Variants in PHF3 observed in about 807,000 individuals in gnomAD.
The protein encoded by PHF3 is PHD finger protein 3.
In PHF3, 41 loss-of-function variants were observed where a neutral mutation model predicts 178.4. That is an observed-to-expected ratio of 0.23 (90% CI 0.18 to 0.30). The LOEUF (loss-of-function observed/expected upper bound fraction) is 0.30. Ranked by LOEUF, PHF3 falls within the 10% of genes least tolerant of loss-of-function variation. PHF3 has a pLI of 1.00. For missense variants in PHF3, 2,346 were observed against 2,398.1 expected (o/e 0.98, Z 0.45); for synonymous variants, 842 against 800.5 (o/e 1.05, Z -0.88).
chr6:63,720,849 T>C lies in PHF3; in HGVS notation c.*7141T>C, dbSNP rs1346988916. 7 of 1,551,150 alleles carry C rather than the reference T, an allele frequency of 4.5e-6. No individual in the cohort carries two copies. Among genetic ancestry groups the C allele is most frequent in the Non-Finnish European group, 6.1e-6 (7 of 1,146,684 alleles). On this transcript the variant is annotated 3_prime_UTR_variant, in exon 16 of 16. Coordinates refer to ENST00000262043, the MANE Select transcript of PHF3 (RefSeq NM_001370348.2). ...ATCCTCGGAAAGAATTAGACTGTTA[T>C]TTATGTAGGCCTTGATAAGAGTCTG... is the stretch of plus-strand genomic sequence containing the variant.
chr6:63,700,037 A>C (rs140066847), intron 8 of PHF3, among the ~76,000 whole-genome samples: 2 of 152,136 alleles, frequency 1.3e-5, no homozygotes, highest in Non-Finnish European at 2.9e-5. Context: ...ACCTCGCTAT[A>C]CTATAGATTG....
intron 5 of PHF3, among the ~76,000 whole-genome samples, chr6:63,693,222 C>T (rs576270441): frequency 1.3e-5 from 2 of 152,280 alleles, no homozygotes; most frequent in South Asian, 4.1e-4. Flanking sequence ...TTAATAATCA[C>T]CTCTTACGTA....
Position 63,723,788 on chromosome 6 carries a change from C to CATTATTATTATTATTATT in PHF3, c.*10111_*10128dup, listed in dbSNP as rs57873412. On this transcript the variant is annotated 3_prime_UTR_variant, in exon 16 of 16. Coordinates refer to ENST00000262043, the MANE Select transcript of PHF3 (RefSeq NM_001370348.2). ...GTTATGGGTCATAAGTACACATTGGCATTATTATTATTATTATTATTATTA... is the reference window on the plus strand; with the variant it reads ...GTTATGGGTCATAAGTACACATTGGCATTATTATTATTATTATTATTATTATTATTATTATTATTATTA... 7.2e-6 allele frequency among the ~76,000 whole-genome samples: 1 copy of CATTATTATTATTATTATT among 138,182 alleles called. No individual in the cohort carries two copies. The highest frequency in any genetic ancestry group is 2.1e-4 in the East Asian group (1 of 4,772). 90.7% of individuals were successfully genotyped at this position (138,182 alleles called of 152,430 possible).
Position 63,691,795 on chromosome 6 carries a change from A to G in PHF3, c.2248A>G (p.Ser750Gly), listed in dbSNP as rs774505201. 7 of 1,613,844 alleles carry G rather than the reference A, an allele frequency of 4.3e-6. No individual in the cohort carries two copies. Among genetic ancestry groups the G allele is most frequent in the South Asian group, 1.1e-5 (1 of 91,078 alleles). Residue 750 changes from serine to glycine, a missense_variant, in exon 5 of 16, where the codon AGT becomes GGT. By Grantham distance (56) the Ser-to-Gly change is moderately conservative. Transcript: ENST00000262043. Reference sequence around the variant, plus strand: ...GTTTCATGGTGATTGTGTTGGGTTAAGTCTTTCTCAAGCACAGCAGATGGG... The same window carrying G: ...GTTTCATGGTGATTGTGTTGGGTTAGGTCTTTCTCAAGCACAGCAGATGGG... ...DWFHGDCVGL[S>G]LSQAQQMGEE... is the part of the protein sequence containing the mutation.
chr6:63,705,778 C>A (rs1767663564), intron 11 of PHF3, among the ~76,000 whole-genome samples: 2 of 152,286 alleles, frequency 1.3e-5, no homozygotes, highest in East Asian at 3.9e-4. Flanking sequence ...CTTTGAATTG[C>A]ATTTCAGATA....
intron 2 of PHF3, among the ~76,000 whole-genome samples, chr6:63,652,055 C>G (rs1765042217): frequency 6.6e-6 from 1 of 151,898 alleles, no homozygotes; most frequent in East Asian, 1.9e-4. Context: ...CTATTTATGC[C>G]CAGTGGTGGG....
intron 4 of PHF3, 82 bp from the exon 5 acceptor site, chr6:63,691,655 A>G (rs1767005986): frequency 8.2e-7 from 1 of 1,220,782 alleles, no homozygotes; most frequent in Non-Finnish European, 1.2e-6. Flanking sequence ...TCAGATATTG[A>G]AAATTTAATT....
At chr6:63,665,935 A>C (rs1765663671) in intron 2 of PHF3, among the ~76,000 whole-genome samples, 1 of 151,988 alleles carries the variant, frequency 6.6e-6, no homozygotes, top group African/African-American at 2.4e-5. Flanking sequence ...TGGAATTTTT[A>C]CTCTTTCAGT....
chr6:63,641,248 T>C (rs143312074), intron 1 of PHF3, among the ~76,000 whole-genome samples: 55 of 152,350 alleles, frequency 3.6e-4, no homozygotes, highest in Middle Eastern at 6.8e-3. Flanking sequence ...ATTTATGCAT[T>C]GATCACTACC....
In PHF3 at chr6:63,721,166, T is replaced by C. The variant is rs1358933998; in HGVS notation, c.*7458T>C. On this transcript the variant is annotated 3_prime_UTR_variant, in exon 16 of 16. Coordinates refer to ENST00000262043, the MANE Select transcript of PHF3 (RefSeq NM_001370348.2). The stretch of plus-strand genomic sequence containing the variant: ...AAGAATTACCCATAAATTTTGCAGT[T>C]GAAAATGAAGTTTTGTTTTCACAAT... 29 of 1,551,492 alleles carry C rather than the reference T, an allele frequency of 1.9e-5. No individual in the cohort carries two copies. Among genetic ancestry groups the C allele is most frequent in the Non-Finnish European group, 2.4e-5 (28 of 1,146,904 alleles).
intron 11 of PHF3, 54 bp downstream of exon 11, chr6:63,703,725 C>T (rs1767577017): frequency 6.6e-7 from 1 of 1,511,548 alleles, no homozygotes; most frequent in Non-Finnish European, 9.0e-7. Flanking sequence ...AAGAAGGATA[C>T]TTAGATACTA....
intron 2 of PHF3, among the ~76,000 whole-genome samples, chr6:63,662,476 T>C (rs1765510589): frequency 6.6e-6 from 1 of 152,228 alleles, no homozygotes; most frequent in Admixed American, 6.5e-5. Flanking sequence ...GAATCCCTTG[T>C]TGCCATTTTT....
rs761809527 is a variant in PHF3, at chr6:63,721,308, T to C, written c.*7600T>C. 1.4e-5 allele frequency: 21 copies of C among 1,551,888 alleles called. No homozygotes were observed. The highest frequency in any genetic ancestry group is 1.7e-5 in the Non-Finnish European group (19 of 1,147,006). On this transcript the variant is annotated 3_prime_UTR_variant, in exon 16 of 16. Coordinates refer to ENST00000262043, the MANE Select transcript of PHF3 (RefSeq NM_001370348.2). ...ACAGGACACAGACTGGTTACATGTA[T>C]TTCCAGCCCAATCTGGCAAACATCT...
Position 63,711,612 on chromosome 6 carries a change from T to C in PHF3, c.4024T>C (p.Leu1342=). 2 of 1,595,392 alleles carry C rather than the reference T, an allele frequency of 1.3e-6. No individual in the cohort carries two copies. The highest frequency in any genetic ancestry group is 1.1e-5 in the South Asian group (1 of 87,014). ...GCTTGAACTGCATAGACCTAATCTA[T>C]TGTTGGGCTTAATTATTCGTCAGAA... ...PGLELHRPNL[L]LGLIIRQKLK... The change falls in exon 16 of 16, where the codon TTG becomes CTG. Residue 1342 remains leucine (L), a synonymous_variant. Transcript: ENST00000262043.
rs75261369 is a variant in PHF3, at chr6:63,685,016, G to A, written c.1294G>A (p.Glu432Lys). The change falls in exon 4 of 16, where the codon GAA becomes AAA. Residue 432 changes from glutamate to lysine, a missense_variant. By Grantham distance (56) the Glu-to-Lys change is moderately conservative. This residue lies in a region of PHF3 where 843 missense variants were observed against 795.2 expected (regional missense o/e 1.06). Coordinates refer to ENST00000262043, the MANE Select transcript of PHF3 (RefSeq NM_001370348.2). ...GGTTGATACTAGTACTTTTGGACCG[G>A]AAAGTAATATCTTGGAAAATGCTAT... ...EVVDTSTFGP[E>K]SNILENAICD... The A allele has an allele frequency of 4.6e-3, 7,456 of 1,613,988 alleles. 289 individuals carry two copies. The African/African-American group carries it at 0.088, about 19-fold the overall frequency.
In PHF3 at chr6:63,713,914, T is replaced by C. The variant is rs892052137; in HGVS notation, c.*206T>C. On this transcript the variant is annotated 3_prime_UTR_variant, in exon 16 of 16. Coordinates refer to ENST00000262043, the MANE Select transcript of PHF3 (RefSeq NM_001370348.2). ...TCTTCATACCAACGGTCCCTAGTTA[T>C]AGGAATTTAATATTTTTAAAAGTTT... The C allele has an allele frequency of 9.7e-6, 4 of 411,654 alleles. No homozygotes were observed. Among genetic ancestry groups the C allele is most frequent in the African/African-American group, 2.1e-5 (1 of 48,458 alleles). 25.5% of individuals were successfully genotyped at this position (411,654 alleles called of 1,614,324 possible).
At chr6:63,654,664 A>G (rs867152650) in intron 2 of PHF3, among the ~76,000 whole-genome samples, 28 of 152,116 alleles carry the variant, frequency 1.8e-4, no homozygotes, top group African/African-American at 6.5e-4. Flanking sequence ...TTGATAAGAG[A>G]TTTGACTTCT....
intron 3 of PHF3, among the ~76,000 whole-genome samples, 174 bp downstream of exon 3, chr6:63,680,335 C>G (rs1431448783): frequency 2.6e-5 from 4 of 151,732 alleles, no homozygotes; most frequent in African/African-American, 9.7e-5. Context: ...TCAGTACCCA[C>G]CACCCCACAC....
At chr6:63,657,228 A>G (rs772649863) in intron 2 of PHF3, among the ~76,000 whole-genome samples, 2 of 152,194 alleles carry the variant, frequency 1.3e-5, no homozygotes, top group Non-Finnish European at 2.9e-5. Context: ...GTTGCTAAGA[A>G]TTCTTTCATG....
Sources: allele counts gnomAD v4.1 joint callset (sites outside exome capture counted in the v4.1 genomes callset), GRCh38; gene constraint gnomAD v4.1.1; regional missense constraint gnomAD v4.1.1; transcripts MANE v1.5; gene names NCBI Gene and HGNC (gene_info 2026-07-23, HGNC 2026-07-21).